The following SNX24 variants were observed in gnomAD, a reference collection of about 807,000 sequenced individuals.
SNX24 encodes sorting nexin-24.
Under a neutral mutation model 28.7 loss-of-function variants are expected in SNX24, and 22 were observed. The observed-to-expected ratio is 0.77, with a 90% CI of 0.55 to 1.10. The LOEUF is 1.10. Among genes scored for constraint, SNX24 ranks in the 50% least tolerant of loss-of-function variants. The pLI is 0.00. For synonymous variants in SNX24, 69 were observed against 71.5 expected (o/e 0.96, Z 0.18); for missense variants, 221 against 201.1 (o/e 1.10, Z -0.60).
downstream of SNX24, among the ~76,000 whole-genome samples, chr5:123,013,610 G>A (rs147285708): frequency 6.2e-4 from 94 of 152,304 alleles, no homozygotes; most frequent in Admixed American, 2.7e-3. Context: ...TCTATGTTAA[G>A]TCATTGGAAT....
intron 1 of SNX24, among the ~76,000 whole-genome samples, chr5:122,929,206 T>G (rs1758842936): frequency 6.6e-6 from 1 of 152,088 alleles, no homozygotes; most frequent in Non-Finnish European, 1.5e-5. Flanking sequence ...TGTACCACAG[T>G]CAGCTGCTTC....
At chr5:123,021,648 T>C (rs971223213) in intron 5 of SNX24, among the ~76,000 whole-genome samples, 1 of 152,116 alleles carries the variant, frequency 6.6e-6, no homozygotes. Context: ...AAAATAATAA[T>C]TCTTAGACGC....
chr5:122,922,097 G>A (rs541374821), intron 1 of SNX24, among the ~76,000 whole-genome samples: 1 of 152,262 alleles, frequency 6.6e-6, no homozygotes, highest in African/African-American at 2.4e-5. Flanking sequence ...ACTGCTCTCT[G>A]AAAATCTTTG....
intron 3 of SNX24, among the ~76,000 whole-genome samples, chr5:122,963,243 T>G (rs987974898): frequency 3.9e-5 from 6 of 152,208 alleles, no homozygotes; most frequent in Admixed American, 3.9e-4. Context: ...CAAAAATTAA[T>G]TAATTAATTA....
intron 3 of SNX24, among the ~76,000 whole-genome samples, chr5:122,981,830 C>T (rs569577388): frequency 3.9e-4 from 60 of 152,198 alleles, no homozygotes; most frequent in African/African-American, 1.4e-3. Context: ...AGTGGTAGTG[C>T]CTTCCTTTTC....
intron 3 of SNX24, among the ~76,000 whole-genome samples, chr5:122,956,503 T>C (rs1760224398): frequency 6.6e-6 from 1 of 152,182 alleles, no homozygotes; most frequent in Non-Finnish European, 1.5e-5. Flanking sequence ...TGAACATGGA[T>C]GTACAAATAT....
chr5:122,937,716 C>T (rs1759238179), intron 2 of SNX24, among the ~76,000 whole-genome samples: 1 of 152,130 alleles, frequency 6.6e-6, no homozygotes, highest in Non-Finnish European at 1.5e-5. Flanking sequence ...GGATAATCCA[C>T]ATCTAGTTCT....
intron 1 of SNX24, among the ~76,000 whole-genome samples, chr5:122,915,745 A>G (rs1423916788): frequency 1.3e-5 from 2 of 152,178 alleles, no homozygotes; most frequent in Non-Finnish European, 2.9e-5. Context: ...GTGGCCTGTG[A>G]GGCCCTCAGT....
At chr5:123,027,275 G>A (rs1391978405) in intron 5 of SNX24, among the ~76,000 whole-genome samples, 1 of 152,134 alleles carries the variant, frequency 6.6e-6, no homozygotes, top group Non-Finnish European at 1.5e-5. Context: ...AAGTGGCCTT[G>A]TAGGAGAGTG....
intron 1 of SNX24, among the ~76,000 whole-genome samples, chr5:122,871,663 G>C (rs1379887909): frequency 6.6e-6 from 1 of 152,100 alleles, no homozygotes; most frequent in Non-Finnish European, 1.5e-5. Context: ...CCAGCTACTC[G>C]GGAGGCTGAG....
intron 3 of SNX24, among the ~76,000 whole-genome samples, chr5:122,948,328 C>T (rs1017931628): frequency 6.6e-6 from 1 of 152,116 alleles, no homozygotes; most frequent in African/African-American, 2.4e-5. Flanking sequence ...ATGCTCAGGA[C>T]CAGTCTGAAA....
At chr5:122,864,408 G>A (rs2150045772) in intron 1 of SNX24, among the ~76,000 whole-genome samples, 1 of 152,304 alleles carries the variant, frequency 6.6e-6, no homozygotes, top group East Asian at 1.9e-4. Context: ...CACCTTTCCT[G>A]CTGCCTAGGC....
chr5:122,849,768 C>A (rs974608894), intron 1 of SNX24, among the ~76,000 whole-genome samples: 1 of 152,182 alleles, frequency 6.6e-6, no homozygotes, highest in African/African-American at 2.4e-5. Flanking sequence ...CAAGTATCCC[C>A]AAGCTATAAA....
chr5:122,943,155 G>A (rs1759534453), intron 2 of SNX24, among the ~76,000 whole-genome samples: 1 of 152,076 alleles, frequency 6.6e-6, no homozygotes, highest in Non-Finnish European at 1.5e-5. Context: ...TCCCCTGCAA[G>A]CAATTCTAAA....
At chr5:122,856,757 C>G (rs1755212307) in intron 1 of SNX24, among the ~76,000 whole-genome samples, 1 of 152,068 alleles carries the variant, frequency 6.6e-6, no homozygotes, top group Admixed American at 6.6e-5. Context: ...CTCAAGTGAT[C>G]TGCCCACCTT....
chr5:122,868,670 T>A (rs1383307478), intron 1 of SNX24, among the ~76,000 whole-genome samples: 1 of 152,112 alleles, frequency 6.6e-6, no homozygotes, highest in East Asian at 1.9e-4. Context: ...AAAACTAGAA[T>A]CTTTTCAAGT....
intron 5 of SNX24, among the ~76,000 whole-genome samples, chr5:123,025,132 A>C (rs1290004495): frequency 1.3e-5 from 2 of 152,158 alleles, no homozygotes; most frequent in East Asian, 1.9e-4. Flanking sequence ...TTTGTTTTCA[A>C]CTATTTTATT....
rs1760331391 is a variant in SNX24, at chr5:122,958,759, T to G, written c.249+12600T>G. ...ATTTTTAGTAGAGACGGGGTCTTGC[T>G]ATGTTGCCCAGGCTGGTCTCAGACT... On this transcript the variant is annotated intron_variant, in intron 3 of 6. Transcript: ENST00000261369. 2.0e-5 allele frequency among the ~76,000 whole-genome samples: 3 copies of G among 149,748 alleles called. No homozygotes were observed. In the South Asian group the frequency reaches 6.4e-4, roughly 32 times the overall value.
At chr5:122,857,497 C>T (rs1430727255) in intron 1 of SNX24, among the ~76,000 whole-genome samples, 1 of 151,440 alleles carries the variant, frequency 6.6e-6, no homozygotes, top group East Asian at 1.9e-4. Context: ...TACAGATTAT[C>T]TCATCATCCG....
Sources: allele counts gnomAD v4.1 joint callset (sites outside exome capture counted in the v4.1 genomes callset), GRCh38; gene constraint gnomAD v4.1.1; transcripts MANE v1.5; gene names NCBI Gene and HGNC (gene_info 2026-07-23, HGNC 2026-07-21).